The following PDE3A variants were observed in gnomAD, a reference collection of about 807,000 sequenced individuals.
The protein encoded by PDE3A is phosphodiesterase 3A.
PDE3A carries 43 observed loss-of-function variants against 98.3 expected under a neutral mutation model. The ratio of observed to expected loss-of-function variants is 0.44; its 90% CI spans 0.34 to 0.56. The LOEUF is 0.56. Among genes scored for constraint, PDE3A ranks in the 20% least tolerant of loss-of-function variants. The probability of loss-of-function intolerance (pLI) is 0.01; values close to 1 mark genes in which losing one functional copy is unlikely to be tolerated. For synonymous variants in PDE3A, 663 were observed against 567.9 expected, an observed-to-expected ratio of 1.17 and a Z score of -2.38; for missense variants, 1,427 against 1,440.7, an observed-to-expected ratio of 0.99 and a Z score of 0.15.
intron 1 of PDE3A, among the ~76,000 whole-genome samples, chr12:20,436,651 G>A (rs1591930364): frequency 6.6e-6 from 1 of 152,176 alleles, no homozygotes; most frequent in Non-Finnish European, 1.5e-5. Flanking sequence ...AGTGAATAAG[G>A]GCTGCCTTAC....
intron 1 of PDE3A, among the ~76,000 whole-genome samples, chr12:20,404,920 G>C (rs1360486070): frequency 6.9e-6 from 1 of 145,590 alleles, no homozygotes; most frequent in South Asian, 2.2e-4. Flanking sequence ...TGACAAAGGA[G>C]TGATAATGGT....
intron 4 of PDE3A, among the ~76,000 whole-genome samples, chr12:20,617,692 C>T (rs1423580707): frequency 6.6e-6 from 1 of 152,114 alleles, no homozygotes; most frequent in African/African-American, 2.4e-5. Flanking sequence ...TGCTAAGTTT[C>T]CTGTCATAGT....
chr12:20,522,650 G>A lies in PDE3A; in HGVS notation c.961-34010G>A, dbSNP rs1489521265. Among the ~76,000 whole-genome samples, 3 of 152,064 alleles carry A rather than the reference G, an allele frequency of 2.0e-5. No homozygotes were observed. The East Asian group carries it at 5.8e-4, about 30-fold the overall frequency. The stretch of plus-strand genomic sequence containing the variant: ...GATTTTAGTGAGTTGAGGCACGGTT[G>A]GAATTGTGATGTCTTTAGAAGGGCT... On this transcript the variant is annotated intron_variant, in intron 1 of 15. Coordinates refer to ENST00000359062, the MANE Select transcript of PDE3A (RefSeq NM_000921.5).
intron 1 of PDE3A, among the ~76,000 whole-genome samples, chr12:20,428,361 G>C (rs1944636467): frequency 6.6e-6 from 1 of 152,062 alleles, no homozygotes; most frequent in Non-Finnish European, 1.5e-5. Flanking sequence ...CTCACTGCAA[G>C]CTCCACCTCC....
At chr12:20,462,750 A>G (rs1271246581) in intron 1 of PDE3A, among the ~76,000 whole-genome samples, 1 of 152,006 alleles carries the variant, frequency 6.6e-6, no homozygotes, top group Admixed American at 6.6e-5. Flanking sequence ...TTTGTTAAAA[A>G]CGTCTTGTAA....
At chr12:20,448,102 G>A (rs10841532) in intron 1 of PDE3A, among the ~76,000 whole-genome samples, 41,012 of 152,060 alleles carry the variant, frequency 0.27, 7,042 homozygotes, top group East Asian at 0.63. Context: ...ACAGCGAGGA[G>A]CCCATTAACC....
chr12:20,510,379 C>T (rs1275541062), intron 1 of PDE3A, among the ~76,000 whole-genome samples: 2 of 151,772 alleles, frequency 1.3e-5, no homozygotes, highest in Non-Finnish European at 2.9e-5. Context: ...TAGAAATTGA[C>T]TATATTTAAT....
intron 6 of PDE3A, among the ~76,000 whole-genome samples, chr12:20,631,916 T>C (rs1944389649): frequency 7.1e-6 from 1 of 140,284 alleles, no homozygotes; most frequent in African/African-American, 2.7e-5. Flanking sequence ...CACAGAGAGC[T>C]CCAGAAACAC....
At chr12:20,674,304 T>G (rs1386449806) in intron 15 of PDE3A, among the ~76,000 whole-genome samples, 1 of 152,214 alleles carries the variant, frequency 6.6e-6, no homozygotes, top group African/African-American at 2.4e-5. Context: ...GGATGCCTGA[T>G]TGTTCTGAGT....
chr12:20,564,785 G>A (rs1311158614), intron 2 of PDE3A, among the ~76,000 whole-genome samples: 1 of 152,140 alleles, frequency 6.6e-6, no homozygotes, highest in Non-Finnish European at 1.5e-5. Flanking sequence ...CATGTTTATA[G>A]ATTAGTAGAC....
At chr12:20,386,622 G>A (rs1209116055) in intron 1 of PDE3A, among the ~76,000 whole-genome samples, 2 of 151,858 alleles carry the variant, frequency 1.3e-5, no homozygotes, top group Admixed American at 1.3e-4. Context: ...TTATAAGTGA[G>A]AGCCACTGCG....
intron 1 of PDE3A, among the ~76,000 whole-genome samples, chr12:20,437,708 A>T (rs759758503): frequency 6.6e-6 from 1 of 152,146 alleles, no homozygotes; most frequent in Non-Finnish European, 1.5e-5. Context: ...GTCCCCCATG[A>T]TCTCATCACC....
intron 1 of PDE3A, among the ~76,000 whole-genome samples, chr12:20,528,216 T>C (rs1327655757): frequency 1.3e-5 from 2 of 152,206 alleles, no homozygotes; most frequent in African/African-American, 4.8e-5. Context: ...GTCACACTGA[T>C]TTGCATTTGG....
chr12:20,467,929 T>G, intron 1 of PDE3A, among the ~76,000 whole-genome samples: 1 of 67,862 alleles, frequency 1.5e-5, no homozygotes, highest in African/African-American at 5.9e-5. Context: ...GCGAGACTCC[T>G]TCTCAAAAAA....
intron 1 of PDE3A, among the ~76,000 whole-genome samples, chr12:20,549,031 A>C (rs1288986489): frequency 6.6e-6 from 1 of 152,108 alleles, no homozygotes. Flanking sequence ...TGAAACATTT[A>C]TCCCTATGGT....
At position 20,552,284 on chromosome 12, in the gene PDE3A, G is replaced by A. The variant is rs892176925; in HGVS notation, c.961-4376G>A. On this transcript the variant is annotated intron_variant, in intron 1 of 15. Coordinates refer to ENST00000359062, the MANE Select transcript of PDE3A (RefSeq NM_000921.5). The surrounding 1 kb of genome is among the most constrained non-coding windows in gnomAD (Gnocchi z 5.1). ...AATAGCAAGTACGCCCCCGCTGAGGGCAACCGCTACGATGGCATCTACAAG... is the reference window on the plus strand; with the variant it reads ...AATAGCAAGTACGCCCCCGCTGAGGACAACCGCTACGATGGCATCTACAAG... 6.2e-7 allele frequency: 1 copy of A among 1,613,842 alleles called. No homozygotes were observed. The highest frequency in any genetic ancestry group is 2.2e-5 in the East Asian group (1 of 44,850).
intron 1 of PDE3A, among the ~76,000 whole-genome samples, chr12:20,404,104 G>A (rs746359456): frequency 6.6e-6 from 1 of 152,104 alleles, no homozygotes; most frequent in African/African-American, 2.4e-5. Context: ...AAAGAAAAAT[G>A]TAGGTTGGCT....
At chr12:20,371,682 T>A (rs1039275281) in intron 1 of PDE3A, among the ~76,000 whole-genome samples, 8 of 152,164 alleles carry the variant, frequency 5.3e-5, no homozygotes, top group Non-Finnish European at 1.0e-4. Flanking sequence ...TGCTTTTTGT[T>A]TCGATAAAAC....
intron 2 of PDE3A, among the ~76,000 whole-genome samples, chr12:20,575,718 G>A (rs1942913264): frequency 6.6e-6 from 1 of 151,876 alleles, no homozygotes; most frequent in Non-Finnish European, 1.5e-5. Context: ...GTTAATTTTA[G>A]CTGTTTATAA....
Sources: allele counts gnomAD v4.1 joint callset (sites outside exome capture counted in the v4.1 genomes callset), GRCh38; gene constraint gnomAD v4.1.1; non-coding constraint Gnocchi (gnomAD v3.1); transcripts MANE v1.5; gene names NCBI Gene and HGNC (gene_info 2026-07-23, HGNC 2026-07-21).